Variants in CD207 observed in about 807,000 individuals in gnomAD.
The protein encoded by CD207 is CD207 molecule.
In CD207, 28 loss-of-function variants were observed where a neutral mutation model predicts 31.6. That is an observed-to-expected ratio of 0.89 (90% confidence interval 0.66 to 1.21). The LOEUF (loss-of-function observed/expected upper bound fraction) is 1.21, where lower values mean the gene tolerates loss of function less well. Ranked by LOEUF, CD207 falls within the 50% of genes most tolerant of loss-of-function variation. The pLI is 0.00. For missense variants in CD207, 388 were observed against 397.8 expected, an observed-to-expected ratio of 0.98 and a Z score of 0.21; for synonymous variants, 168 against 153.9, an observed-to-expected ratio of 1.09 and a Z score of -0.68.
intron 2 of CD207, among the ~76,000 whole-genome samples, chr2:70,834,984 G>T (rs1677572106): frequency 6.6e-6 from 1 of 152,226 alleles, no homozygotes; most frequent in Non-Finnish European, 1.5e-5. Flanking sequence ...GGAGAATGAA[G>T]ACAGCACCAA....
In CD207 at chr2:70,830,901, C is replaced by G. The variant is rs1677449270; in HGVS notation, c.*149G>C. ...GACGTCAGAGAATTTCCAGCCAAGA[C>G]AGACGGACTCCAGAATGCCACTGTG... On this transcript the variant is annotated 3_prime_UTR_variant, in exon 6 of 6. Transcript: ENST00000410009. 1 of 669,902 alleles carries G rather than the reference C, an allele frequency of 1.5e-6. No homozygotes were observed. Among genetic ancestry groups the G allele is most frequent in the South Asian group, 2.3e-5 (1 of 43,714 alleles). 41.5% of individuals were successfully genotyped at this position (669,902 alleles called of 1,614,324 possible). A position where few individuals can be genotyped will look rare whatever the true frequency, so the allele number is the denominator to read the frequency against.
Position 70,835,573 on chromosome 2 carries a change from C to T in CD207, c.108G>A (p.Pro36=), listed in dbSNP as rs368255137. 2.9e-5 allele frequency: 47 copies of T among 1,613,820 alleles called. No homozygotes were observed. The highest frequency in any genetic ancestry group is 1.9e-4 in the African/African-American group (14 of 74,926). ...PPPKSGPSLV[P]GKTPTVRAAL... is the part of the protein sequence containing the mutation. ...CAGCACGGACTGTGGGTGTTTTCCC[C>T]GGGACCAGAGATGGACCGGACTTGG... The change falls in exon 2 of 6, where the codon CCG becomes CCA. Residue 36 remains proline, a synonymous_variant. Transcript: ENST00000410009.
In CD207 at chr2:70,830,858, C is replaced by T. The variant is rs1407077670; in HGVS notation, c.*192G>A. The T allele has an allele frequency of 1.8e-6, 1 of 561,384 alleles. No homozygotes were observed. Among genetic ancestry groups the T allele is most frequent in the Non-Finnish European group, 3.1e-6 (1 of 320,350 alleles). The allele number at this position is 561,384 out of a possible 1,614,324, so 34.8% of individuals were successfully genotyped here. On this transcript the variant is annotated 3_prime_UTR_variant, in exon 6 of 6. Coordinates refer to ENST00000410009, the MANE Select transcript of CD207 (RefSeq NM_015717.5). ...CCACTTTAACCTGAATTCTCCTTTC[C>T]ATTCCAGCTGCCTCCAAGACGTCAG...
downstream of CD207, among the ~76,000 whole-genome samples, chr2:70,825,217 T>C (rs1289117857): frequency 6.6e-6 from 1 of 152,102 alleles, no homozygotes; most frequent in Non-Finnish European, 1.5e-5. Flanking sequence ...AGTGGGCTCC[T>C]CAAAACTGTC....
rs1553400896 is a variant in CD207 at position 70,835,610 on chromosome 2, G to T, written c.74-3C>A. On this transcript the variant is annotated splice_polypyrimidine_tract_variant and splice_region_variant and intron_variant, in intron 1 of 5. Transcript: ENST00000410009. Reference sequence around the variant, plus strand: ...TGGACCGGACTTGGGAGGAGGCTCTGTTGGAAGAAGAAGAAAATGTGTGTT... The same window carrying T: ...TGGACCGGACTTGGGAGGAGGCTCTTTTGGAAGAAGAAGAAAATGTGTGTT... 1.9e-6 allele frequency: 3 copies of T among 1,613,110 alleles called. No individual in the cohort carries two copies. Among genetic ancestry groups the T allele is most frequent in the Non-Finnish European group, 2.5e-6 (3 of 1,179,082 alleles).
chr2:70,835,497 C>T lies in CD207; in HGVS notation c.184G>A (p.Val62Ile), dbSNP rs200240147. The T allele has an allele frequency of 3.0e-4, 487 of 1,610,072 alleles. 2 individuals carry two copies. Among genetic ancestry groups the T allele is most frequent in the Non-Finnish European group, 2.6e-4 (307 of 1,176,892 alleles). The change falls in exon 2 of 6, where the codon GTC becomes ATC. Residue 62 changes from valine to isoleucine, a missense_variant. Physicochemically the swap from Val to Ile is conservative, Grantham distance 29. Coordinates refer to ENST00000410009, the MANE Select transcript of CD207 (RefSeq NM_015717.5). ...VLVASVLLQA[V>I]LYPRFMGTIS... ...ATGAAACATGAGGACTTACAAAGGA[C>T]GGCCTGCAGCAGGACGGAGGCGACC...
At chr2:70,831,632 C>T (rs371960516) in intron 5 of CD207, 69 bp downstream of exon 5, 4 of 921,592 alleles carry the variant, frequency 4.3e-6, no homozygotes, top group Non-Finnish European at 5.5e-6. Flanking sequence ...GAACATCGCC[C>T]CCACTCCCTT....
Position 70,833,870 on chromosome 2 carries a change from T to A in CD207, c.341A>T (p.Glu114Val), listed in dbSNP as rs72836219. Residue 114 changes from glutamate (E) to valine (V), a missense_variant, in exon 3 of 6, where the codon GAG becomes GTG. Physicochemically the swap from Glu to Val is moderately radical, Grantham distance 121. Transcript: ENST00000410009. Reference protein sequence around the residue: ...AAGVQIQMVNESLGYVRSQFL... With the variant: ...AAGVQIQMVNVSLGYVRSQFL... ...CTGAGAACGCACATAACCCAGGCTC[T>A]CATTCACCATCTGGATCTGAACGCC... The A allele has an allele frequency of 0.089, 143,430 of 1,612,772 alleles. 7,345 individuals are homozygous for A. The highest frequency in any genetic ancestry group is 0.17 in the African/African-American group (12,959 of 74,968).
chr2:70,831,317 A>C (rs1677465567), intron 5 of CD207, 117 bp from the exon 6 acceptor site: 2 of 996,996 alleles, frequency 2.0e-6, no homozygotes, highest in East Asian at 5.0e-5. Context: ...TGGCATAGCA[A>C]ATGTCTGCAC....
At chr2:70,828,351 G>A (rs1381978122), downstream of CD207, among the ~76,000 whole-genome samples, 3 of 152,196 alleles carry the variant, frequency 2.0e-5, no homozygotes, top group South Asian at 4.1e-4. Flanking sequence ...AAAGCGACAG[G>A]TGTCCCAGCT....
downstream of CD207, among the ~76,000 whole-genome samples, chr2:70,827,442 G>T (rs1157830904): frequency 6.6e-6 from 1 of 152,208 alleles, no homozygotes; most frequent in Non-Finnish European, 1.5e-5. Flanking sequence ...AATCTGTGAG[G>T]GAGGCAACGC....
Position 70,831,751 on chromosome 2 carries a change from C to T in CD207, c.786G>A (p.Gly262=). 6.2e-7 allele frequency: 1 copy of T among 1,613,784 alleles called. No homozygotes were observed. Among genetic ancestry groups the T allele is most frequent in the South Asian group, 1.1e-5 (1 of 91,080 alleles). Residue 262 remains glycine (G), a synonymous_variant, in exon 5 of 6, where the codon GGG becomes GGA. Coordinates refer to ENST00000410009, the MANE Select transcript of CD207 (RefSeq NM_015717.5). The part of the protein sequence containing the change: ...WIGLTKAGME[G]DWSWVDDTPF... ...GCGTGTCATCCACCCAGGACCAGTC[C>T]CCTTCCATCCCTGCTTTAGTCAGGC...
chr2:70,833,795 A>C lies in CD207; in HGVS notation c.416T>G (p.Ile139Ser). The change falls in exon 3 of 6, where the codon ATC becomes AGC. Residue 139 changes from isoleucine to serine, a missense_variant. Coordinates refer to ENST00000410009, the MANE Select transcript of CD207 (RefSeq NM_015717.5). Reference protein sequence around the residue: ...SVEKANAQIQILTRSWEEVST... With the variant: ...SVEKANAQIQSLTRSWEEVST... ...GACTTCTTCCCAACTTCTTGTTAAG[A>C]TCTGGATCTGTGCGTTGGCCTTCTC... The C allele has an allele frequency of 6.2e-7, 1 of 1,614,036 alleles. No homozygotes were observed. The highest frequency in any genetic ancestry group is 8.5e-7 in the Non-Finnish European group (1 of 1,179,890).
downstream of CD207, among the ~76,000 whole-genome samples, chr2:70,829,224 A>G (rs1553399296): frequency 6.6e-6 from 1 of 152,156 alleles, no homozygotes; most frequent in African/African-American, 2.4e-5. Context: ...CATTTCCTCC[A>G]TTGGTGAGGG....
At chr2:70,831,388 G>C (rs1165862203) in intron 5 of CD207, among the ~76,000 whole-genome samples, 188 bp from the exon 6 acceptor site, 1 of 152,086 alleles carries the variant, frequency 6.6e-6, no homozygotes, top group Non-Finnish European at 1.5e-5. Context: ...CATGCCCCAA[G>C]TCCAGGCCAA....
chr2:70,829,828 G>C (rs1165542688), downstream of CD207, among the ~76,000 whole-genome samples: 1 of 152,114 alleles, frequency 6.6e-6, no homozygotes, highest in Non-Finnish European at 1.5e-5. Flanking sequence ...CCTCTCTGTG[G>C]TGGCTGCTGC....
chr2:70,833,543 C>T, intron 3 of CD207, 103 bp downstream of exon 3: 1 of 1,341,020 alleles, frequency 7.5e-7, no homozygotes, highest in Non-Finnish European at 9.9e-7. Flanking sequence ...TCTTTTGCCC[C>T]CACTCTCCTC....
Position 70,831,789 on chromosome 2 carries a change from T to A in CD207, c.748A>T (p.Ile250Phe). 1 of 1,612,924 alleles carries A rather than the reference T, an allele frequency of 6.2e-7. No individual in the cohort carries two copies. Among genetic ancestry groups the A allele is most frequent in the Non-Finnish European group, 8.5e-7 (1 of 1,178,924 alleles). The change falls in exon 5 of 6, where the codon ATC becomes TTC. Residue 250 changes from isoleucine (I) to phenylalanine (F), a missense_variant. By Grantham distance (21) the Ile-to-Phe change is conservative. Coordinates refer to ENST00000410009, the MANE Select transcript of CD207 (RefSeq NM_015717.5). ...EFLYKTAGGL[I>F]YWIGLTKAGM... ...GCTTTAGTCAGGCCAATCCAGTAGA[T>A]GAGTCCCCCCGCTGTTTTATACAGA...
At chr2:70,828,454 C>T (rs1367086711), downstream of CD207, among the ~76,000 whole-genome samples, 1 of 152,192 alleles carries the variant, frequency 6.6e-6, no homozygotes, top group Non-Finnish European at 1.5e-5. Flanking sequence ...CTGACTCAGG[C>T]TCTTTCAGTT....
Sources: allele counts gnomAD v4.1 joint callset (sites outside exome capture counted in the v4.1 genomes callset), GRCh38; gene constraint gnomAD v4.1.1; transcripts MANE v1.5; gene names NCBI Gene and HGNC (gene_info 2026-07-23, HGNC 2026-07-21).